Variants in ANKS1B observed in about 807,000 individuals in gnomAD.
ANKS1B encodes ankyrin repeat and sterile alpha motif domain containing 1B.
Under a neutral mutation model 148.3 loss-of-function variants are expected in ANKS1B, and 36 were observed. The ratio of observed to expected loss-of-function variants is 0.24; its 90% CI spans 0.19 to 0.32. The LOEUF (loss-of-function observed/expected upper bound fraction) is 0.32. ANKS1B is among the 10% of genes least tolerant of loss of function. The probability of loss-of-function intolerance (pLI) is 1.00; values close to 1 mark genes in which losing one functional copy is unlikely to be tolerated. For synonymous variants in ANKS1B, 542 were observed against 560.8 expected (o/e 0.97, Z 0.47); for missense variants, 1,157 against 1,542.6 (o/e 0.75, Z 4.19).
intron 9 of ANKS1B, among the ~76,000 whole-genome samples, chr12:99,563,746 A>G (rs1480878547): frequency 6.6e-6 from 1 of 152,208 alleles, no homozygotes; most frequent in African/African-American, 2.4e-5. Flanking sequence ...TCAATTTGTA[A>G]AAAGACTGTC....
intron 8 of ANKS1B, among the ~76,000 whole-genome samples, chr12:99,758,330 G>A (rs1452651577): frequency 1.3e-5 from 2 of 151,832 alleles, no homozygotes; most frequent in Non-Finnish European, 2.9e-5. Context: ...AGACAAAATG[G>A]GAAGGTTAGC....
chr12:99,108,521 C>T (rs1181108496), intron 15 of ANKS1B, among the ~76,000 whole-genome samples: 1 of 152,144 alleles, frequency 6.6e-6, no homozygotes, highest in East Asian at 1.9e-4. Context: ...CAATCATAGT[C>T]ACTGAATTGG....
intron 12 of ANKS1B, among the ~76,000 whole-genome samples, chr12:99,276,635 A>G (rs1253568728): frequency 6.6e-6 from 1 of 152,182 alleles, no homozygotes; most frequent in Non-Finnish European, 1.5e-5. Flanking sequence ...ATACATTTCT[A>G]CTGTTTAAGC....
At position 98,947,374 on chromosome 12, in the gene ANKS1B, G is replaced by A. The variant is rs548552717; in HGVS notation, c.2778+105783C>T. ...GGTCCAGGGTTGTAGTGATGAAGGT[G>A]GTGAGCAGTGGTTTGGATTCTGGAT... is the stretch of plus-strand genomic sequence containing the variant. On this transcript the variant is annotated intron_variant, in intron 17 of 26. Coordinates refer to ENST00000683438, the MANE Select transcript of ANKS1B (RefSeq NM_001352186.2). Among the ~76,000 whole-genome samples, 192 of 152,030 alleles carry A rather than the reference G, an allele frequency of 1.3e-3. 2 individuals carry two copies. The highest frequency in any genetic ancestry group is 3.8e-3 in the African/African-American group (158 of 41,368).
intron 9 of ANKS1B, among the ~76,000 whole-genome samples, chr12:99,538,076 T>C (rs2097090948): frequency 6.6e-6 from 1 of 152,008 alleles, no homozygotes; most frequent in Admixed American, 6.6e-5. Context: ...TAGGTGTGTT[T>C]ATTTGTTTCT....
intron 17 of ANKS1B, among the ~76,000 whole-genome samples, chr12:98,853,423 G>A (rs985978597): frequency 1.3e-5 from 2 of 152,118 alleles, no homozygotes; most frequent in African/African-American, 4.8e-5. Flanking sequence ...GTGATGATGT[G>A]TCTCTTGGCC....
Position 98,744,650 on chromosome 12 carries a change from A to T in ANKS1B, c.*1089T>A. On this transcript the variant is annotated 3_prime_UTR_variant, in exon 27 of 27. Coordinates refer to ENST00000683438, the MANE Select transcript of ANKS1B (RefSeq NM_001352186.2). ...GCAAACTTTTTTTTTGTTTGTCTCA[A>T]GAAAAGTTTTATTACTTTGGAATTT... is the stretch of plus-strand genomic sequence containing the variant. 5.5e-6 allele frequency: 5 copies of T among 905,550 alleles called. No individual in the cohort carries two copies. The highest frequency in any genetic ancestry group is 6.6e-6 in the Non-Finnish European group (5 of 757,212). 56.1% of individuals were successfully genotyped at this position (905,550 alleles called of 1,614,324 possible).
intron 17 of ANKS1B, among the ~76,000 whole-genome samples, chr12:98,877,153 T>C (rs1426774960): frequency 6.6e-6 from 1 of 152,188 alleles, no homozygotes; most frequent in Non-Finnish European, 1.5e-5. Context: ...ACAATGAATT[T>C]TGGTCTACCT....
intron 16 of ANKS1B, among the ~76,000 whole-genome samples, chr12:99,074,668 G>A (rs908214037): frequency 6.6e-6 from 1 of 152,180 alleles, no homozygotes; most frequent in Non-Finnish European, 1.5e-5. Context: ...GGAAATGCAG[G>A]CCGCCAGTGC....
At chr12:99,784,809 T>C (rs931665987) in intron 4 of ANKS1B, among the ~76,000 whole-genome samples, 9 of 152,194 alleles carry the variant, frequency 5.9e-5, no homozygotes, top group African/African-American at 2.2e-4. Context: ...CTTAAAATAA[T>C]TGCATTTATA....
intron 17 of ANKS1B, among the ~76,000 whole-genome samples, chr12:98,850,096 C>CAG (rs61622960): frequency 0.9 from 136,148 of 152,046 alleles, 60,988 homozygotes; most frequent in East Asian, 1. Context: ...CCAAATAACA[C>CAG]AGAGACAGAC....
At chr12:99,085,301 T>C (rs572490290) in intron 15 of ANKS1B, among the ~76,000 whole-genome samples, 1 of 152,102 alleles carries the variant, frequency 6.6e-6, no homozygotes, top group African/African-American at 2.4e-5. Context: ...TAAAACTTTG[T>C]TTCTGCACAT....
At chr12:99,368,022 TA>T (rs1453873186) in intron 12 of ANKS1B, among the ~76,000 whole-genome samples, 1 of 152,196 alleles carries the variant, frequency 6.6e-6, no homozygotes, top group African/African-American at 2.4e-5. Context: ...AACTCTATTT[TA>T]AATTAGTAAT....
At chr12:99,774,768 AATGTG>A (rs1296584086) in intron 7 of ANKS1B, among the ~76,000 whole-genome samples, 1 of 152,118 alleles carries the variant, frequency 6.6e-6, no homozygotes, top group East Asian at 1.9e-4. Context: ...AATAAAATGC[AATGTG>A]TGTATACATT....
At chr12:98,891,236 C>T (rs928919423) in intron 17 of ANKS1B, among the ~76,000 whole-genome samples, 3 of 152,158 alleles carry the variant, frequency 2.0e-5, no homozygotes, top group African/African-American at 7.2e-5. Context: ...TTTCCTATTT[C>T]CATATGAGAA....
At chr12:99,776,042 C>T (rs2063616518) in intron 6 of ANKS1B, among the ~76,000 whole-genome samples, 1 of 151,994 alleles carries the variant, frequency 6.6e-6, no homozygotes, top group Non-Finnish European at 1.5e-5. Flanking sequence ...AGATTTAATC[C>T]CCAAAACAGG....
Position 99,655,217 on chromosome 12 carries a change from T to C in ANKS1B, c.1129-7A>G. The C allele has an allele frequency of 6.3e-7, 1 of 1,590,072 alleles. No individual in the cohort carries two copies. Among genetic ancestry groups the C allele is most frequent in the Non-Finnish European group, 8.6e-7 (1 of 1,165,040 alleles). On this transcript the variant is annotated splice_region_variant and splice_polypyrimidine_tract_variant and intron_variant, in intron 8 of 26. Transcript: ENST00000683438. ...TGATTGTAGATGAGGTTCTCTGAAA[T>C]TAAATTTATATCATACCAATATATT...
At chr12:99,368,789 T>G (rs1485928568) in intron 12 of ANKS1B, among the ~76,000 whole-genome samples, 1 of 152,048 alleles carries the variant, frequency 6.6e-6, no homozygotes, top group Non-Finnish European at 1.5e-5. Flanking sequence ...ATAAACCAAC[T>G]TTTCACTCTA....
At chr12:99,837,525 T>G (rs534451137) in intron 1 of ANKS1B, among the ~76,000 whole-genome samples, 1 of 152,286 alleles carries the variant, frequency 6.6e-6, no homozygotes, top group East Asian at 1.9e-4. Flanking sequence ...CTAGAAACTA[T>G]GCAAAATGCT....
Sources: gnomAD v4.1 joint callset for allele counts (sites outside exome capture counted in the v4.1 genomes callset) on GRCh38, gnomAD v4.1.1 for gene constraint, MANE v1.5 for transcripts, NCBI Gene and HGNC (gene_info 2026-07-23, HGNC 2026-07-21) for gene names.